PTPRO: variants seen among roughly 807,000 people sequenced by gnomAD.
PTPRO encodes protein tyrosine phosphatase receptor type O, also known as receptor-type tyrosine-protein phosphatase O.
In PTPRO, 62 loss-of-function variants were observed where a neutral mutation model predicts 145.2. That is an observed-to-expected ratio of 0.43 (90% CI 0.35 to 0.53). PTPRO has a LOEUF of 0.53. Ranked by LOEUF, PTPRO falls within the 20% of genes least tolerant of loss-of-function variation. The pLI, the probability that PTPRO is intolerant of heterozygous loss-of-function variation, is 0.01. For missense variants in PTPRO, 1,345 were observed against 1,482.7 expected (o/e 0.91, Z 1.53); for synonymous variants, 565 against 514.7 (o/e 1.10, Z -1.32).
At chr12:15,517,007 C>T (rs759386470) in intron 9 of PTPRO, 51 bp downstream of exon 9, 1 of 1,447,326 alleles carries the variant, frequency 6.9e-7, no homozygotes, top group African/African-American at 1.4e-5. Context: ...ACAGGCAAAC[C>T]TTTATGTACC....
intron 1 of PTPRO, among the ~76,000 whole-genome samples, chr12:15,404,362 G>T (rs930460342): frequency 4.9e-4 from 74 of 152,052 alleles, no homozygotes; most frequent in African/African-American, 1.7e-3. Context: ...TTGCCTCTGT[G>T]ATTACTCATG....
intron 7 of PTPRO, among the ~76,000 whole-genome samples, chr12:15,514,149 A>T (rs561998104): frequency 6.6e-6 from 1 of 152,090 alleles, no homozygotes; most frequent in South Asian, 2.1e-4. Context: ...ACGTATCCAA[A>T]TTTTTTTTAA....
chr12:15,528,916 G>A (rs1283410865), intron 12 of PTPRO, among the ~76,000 whole-genome samples: 2 of 152,132 alleles, frequency 1.3e-5, no homozygotes, highest in Non-Finnish European at 1.5e-5. Context: ...CAGCAAAATT[G>A]TCCTTCAAAT....
intron 1 of PTPRO, among the ~76,000 whole-genome samples, chr12:15,349,673 A>G (rs1937725998): frequency 6.6e-6 from 1 of 152,212 alleles, no homozygotes; most frequent in African/African-American, 2.4e-5. Flanking sequence ...TAAAAAAGAA[A>G]TACCCCACAA....
chr12:15,485,811 T>C (rs963201630), intron 2 of PTPRO, among the ~76,000 whole-genome samples: 2 of 152,192 alleles, frequency 1.3e-5, no homozygotes, highest in African/African-American at 4.8e-5. Context: ...TATTTTCCTT[T>C]GTGATGTTTT....
intron 1 of PTPRO, among the ~76,000 whole-genome samples, chr12:15,460,547 A>G (rs1041563147): frequency 3.3e-5 from 5 of 152,240 alleles, no homozygotes; most frequent in African/African-American, 1.2e-4. Context: ...TATTTACAAC[A>G]ATAGCTTTAC....
chr12:15,387,086 A>G (rs1565600784), intron 1 of PTPRO, among the ~76,000 whole-genome samples: 1 of 152,192 alleles, frequency 6.6e-6, no homozygotes, highest in Non-Finnish European at 1.5e-5. Flanking sequence ...TCTGTTTCAG[A>G]ATTAAAATAA....
intron 12 of PTPRO, among the ~76,000 whole-genome samples, chr12:15,542,010 CA>C (rs879895772): frequency 2.8e-4 from 40 of 140,850 alleles, no homozygotes; most frequent in South Asian, 2.0e-3. Context: ...GACTCCACCT[CA>C]AAAAAAAAAA....
chr12:15,429,357 G>T (rs548240332), intron 1 of PTPRO, among the ~76,000 whole-genome samples: 5 of 152,172 alleles, frequency 3.3e-5, no homozygotes, highest in African/African-American at 7.2e-5. Context: ...ATTATCACAT[G>T]TTCTGAGAAT....
intron 1 of PTPRO, among the ~76,000 whole-genome samples, chr12:15,328,327 C>A (rs1033854086): frequency 6.6e-6 from 1 of 152,078 alleles, no homozygotes; most frequent in African/African-American, 2.4e-5. Flanking sequence ...GAAAAGCGTT[C>A]GCAAGTCTTT....
At position 15,584,941 on chromosome 12, in the gene PTPRO, A is replaced by G. The variant is rs1308474830; in HGVS notation, c.3256-1956A>G. 2.0e-5 allele frequency among the ~76,000 whole-genome samples: 3 copies of G among 152,324 alleles called. No homozygotes were observed. In the East Asian group the frequency reaches 5.8e-4, roughly 29 times the overall value. On this transcript the variant is annotated intron_variant, in intron 23 of 26. Transcript: ENST00000281171. ...CATAACACACAACTTGTCACTTTCT[A>G]CTACTTGAAATTTGGCATCAACTGA...
chr12:15,415,664 C>T (rs566907901), intron 1 of PTPRO, among the ~76,000 whole-genome samples: 7 of 151,758 alleles, frequency 4.6e-5, no homozygotes, highest in African/African-American at 9.8e-5. Flanking sequence ...GGATTACAGG[C>T]GTGAGCCACT....
chr12:15,432,637 C>A (rs1208797803), intron 1 of PTPRO, among the ~76,000 whole-genome samples: 2 of 152,164 alleles, frequency 1.3e-5, no homozygotes, highest in Non-Finnish European at 2.9e-5. Flanking sequence ...ATAAGTATTC[C>A]CTTTTCTCCG....
chr12:15,514,223 C>T (rs1186498930), intron 7 of PTPRO, among the ~76,000 whole-genome samples: 1 of 152,082 alleles, frequency 6.6e-6, no homozygotes, highest in African/African-American at 2.4e-5. Flanking sequence ...GGCCCAGGCA[C>T]GTGGATCACC....
intron 12 of PTPRO, among the ~76,000 whole-genome samples, chr12:15,529,432 C>T (rs978421654): frequency 2.7e-5 from 4 of 148,350 alleles, no homozygotes; most frequent in Non-Finnish European, 4.4e-5. Flanking sequence ...GTTGGTGAAT[C>T]GCTTGAGCCC....
intron 1 of PTPRO, among the ~76,000 whole-genome samples, chr12:15,345,150 A>G (rs934345918): frequency 6.6e-6 from 1 of 152,198 alleles, no homozygotes; most frequent in South Asian, 2.1e-4. Context: ...TATACTTTAA[A>G]GTGTCAGAAA....
intron 18 of PTPRO, among the ~76,000 whole-genome samples, chr12:15,566,200 A>T (rs74443684): frequency 1.3e-5 from 2 of 152,210 alleles, no homozygotes; most frequent in Admixed American, 6.5e-5. Flanking sequence ...AGCCTATTAG[A>T]TTATCACCTC....
intron 1 of PTPRO, among the ~76,000 whole-genome samples, chr12:15,433,190 T>C (rs1014330792): frequency 5.5e-5 from 6 of 108,160 alleles, no homozygotes; most frequent in Non-Finnish European, 9.8e-5. Context: ...TTTTTTTTTT[T>C]CTGAGGTGGA....
chr12:15,510,164 T>C (rs1942409884), intron 7 of PTPRO, among the ~76,000 whole-genome samples: 1 of 152,230 alleles, frequency 6.6e-6, no homozygotes, highest in South Asian at 2.1e-4. Flanking sequence ...AAGCATTTAA[T>C]GAAATTCAAA....
Sources: gnomAD v4.1 joint callset for allele counts (sites outside exome capture counted in the v4.1 genomes callset) on GRCh38, gnomAD v4.1.1 for gene constraint, MANE v1.5 for transcripts, NCBI Gene and HGNC (gene_info 2026-07-23, HGNC 2026-07-21) for gene names.